The following SUN3 variants were observed in gnomAD, a reference collection of about 807,000 sequenced individuals.
SUN3 encodes the protein Sad1 and UNC84 domain containing 3.
SUN3 carries 36 observed loss-of-function variants against 48.2 expected under a neutral mutation model. That is an observed-to-expected ratio of 0.75 (90% confidence interval 0.57 to 0.99). The LOEUF (loss-of-function observed/expected upper bound fraction) is 0.99, where lower values mean the gene tolerates loss of function less well. Among genes scored for constraint, SUN3 ranks in the 50% least tolerant of loss-of-function variants. SUN3 has a pLI of 0.00. For synonymous variants in SUN3, 148 were observed against 147.9 expected (o/e 1.00, Z 0.00); for missense variants, 419 against 433.1 (o/e 0.97, Z 0.29).
At chr7:47,996,802 C>CT (rs35247146) in intron 6 of SUN3, among the ~76,000 whole-genome samples, 10,984 of 135,332 alleles carry the variant, frequency 0.081, 587 homozygotes, top group South Asian at 0.13. Flanking sequence ...TTCTTTCCTT[C>CT]TTTTTTTTTT....
At position 48,002,524 on chromosome 7, in the gene SUN3, G is replaced by A. The variant is rs138219340; in HGVS notation, c.577+3445C>T. Among the ~76,000 whole-genome samples the A allele has an allele frequency of 2.7e-3, 410 of 152,052 alleles. 6 individuals are homozygous for A. Among genetic ancestry groups the A allele is most frequent in the African/African-American group, 9.2e-3 (381 of 41,420 alleles). On this transcript the variant is annotated intron_variant, in intron 6 of 9. Transcript: ENST00000297325. Reference sequence around the variant, plus strand: ...TTTCAAATGATTCTTGGCCACATGTGGGTCTTCTTTTTAAGTGTCTGTTCA... The same window carrying A: ...TTTCAAATGATTCTTGGCCACATGTAGGTCTTCTTTTTAAGTGTCTGTTCA...
At chr7:48,033,229 C>T (rs1012016612), upstream of SUN3, among the ~76,000 whole-genome samples, 3 of 152,134 alleles carry the variant, frequency 2.0e-5, no homozygotes, top group African/African-American at 7.2e-5. Flanking sequence ...CTTGTCTGAT[C>T]TGGTTTGCAA....
chr7:47,999,498 C>G (rs545267670), intron 6 of SUN3, among the ~76,000 whole-genome samples: 2 of 151,906 alleles, frequency 1.3e-5, no homozygotes, highest in African/African-American at 2.4e-5. Flanking sequence ...TTTCCCTTTC[C>G]TGCCTTTTTT....
chr7:48,014,124 T>C (rs1272904382), intron 3 of SUN3, among the ~76,000 whole-genome samples: 1 of 152,032 alleles, frequency 6.6e-6, no homozygotes, highest in Non-Finnish European at 1.5e-5. Context: ...TTCCACCATG[T>C]CTGGCTAATT....
chr7:48,003,223 T>C (rs1314540295), intron 6 of SUN3, among the ~76,000 whole-genome samples: 3 of 152,190 alleles, frequency 2.0e-5, no homozygotes, highest in African/African-American at 4.8e-5. Flanking sequence ...GATTAGATAG[T>C]TGTAAGTGTG....
At position 48,028,876 on chromosome 7, in the gene SUN3, G is replaced by A; in HGVS notation, c.63C>T (p.Ala21=). ...AAGCATTGCCACTGGCGCTACCGCT[G>A]GCGTCTTCAGAGCAACGTCTAAAAA... ...AMFFRRCSED[A]SGSASGNALL... Residue 21 remains alanine, a synonymous_variant, in exon 1 of 10, where the codon GCC becomes GCT. Coordinates refer to ENST00000297325, the MANE Select transcript of SUN3 (RefSeq NM_001030019.2). 1.2e-6 allele frequency: 2 copies of A among 1,613,926 alleles called. No homozygotes were observed. The highest frequency in any genetic ancestry group is 3.3e-5 in the Admixed American group (2 of 60,004).
intron 6 of SUN3, among the ~76,000 whole-genome samples, chr7:48,000,973 T>C (rs907080197): frequency 1.3e-5 from 2 of 152,158 alleles, no homozygotes; most frequent in African/African-American, 4.8e-5. Flanking sequence ...AAGAATATTA[T>C]ACCTTTTTAT....
chr7:48,018,072 T>A (rs1789863273), intron 2 of SUN3, among the ~76,000 whole-genome samples: 1 of 152,192 alleles, frequency 6.6e-6, no homozygotes. Context: ...ACTGGACGCA[T>A]GTTCATAAAT....
chr7:48,006,018 C>A lies in SUN3; in HGVS notation c.528G>T (p.Lys176Asn). 1 of 1,613,298 alleles carries A rather than the reference C, an allele frequency of 6.2e-7. No homozygotes were observed. Among genetic ancestry groups the A allele is most frequent in the Non-Finnish European group, 8.5e-7 (1 of 1,179,666 alleles). ...CCATCTCGACTTGGTCTTCTCTCAA[C>A]TTTTTAAGTACATAATTGACCAAGT... ...VSNLVNYVLK[K>N]LREDQVEMAD... Residue 176 changes from lysine to asparagine, a missense_variant, in exon 6 of 10, where the codon AAG (lysine) becomes AAT (asparagine). Coordinates refer to ENST00000297325, the MANE Select transcript of SUN3 (RefSeq NM_001030019.2).
the SUN3 span, among the ~76,000 whole-genome samples, chr7:48,034,809 A>T: frequency 6.6e-6 from 1 of 152,218 alleles, no homozygotes; most frequent in East Asian, 1.9e-4. Flanking sequence ...TTGGAGTTCT[A>T]AACGCGATTC....
Position 48,002,151 on chromosome 7 carries a change from C to CTTTTTTTTT in SUN3, c.577+3809_577+3817dup, listed in dbSNP as rs71006541. ...CATTGTGGTTTTGATTTGCATTTCT[C>CTTTTTTTTT]TTTTTTTTTTTTTTTTTTTTTTTTT... On this transcript the variant is annotated intron_variant, in intron 6 of 9. Transcript: ENST00000297325. 7.8e-5 allele frequency among the ~76,000 whole-genome samples: 5 copies of CTTTTTTTTT among 64,136 alleles called. 1 individual carries two copies. The highest frequency in any genetic ancestry group is 7.0e-4 in the South Asian group (1 of 1,436). 42.1% of individuals were successfully genotyped at this position (64,136 alleles called of 152,430 possible). A position where few individuals can be genotyped will look rare whatever the true frequency, so the allele number is the denominator to read the frequency against.
chr7:47,995,943 G>A (rs974807941), intron 7 of SUN3, 88 bp downstream of exon 7: 1 of 768,802 alleles, frequency 1.3e-6, no homozygotes, highest in Non-Finnish European at 2.1e-6. Context: ...CTCTTATATT[G>A]CCTCCATTTT....
intron 2 of SUN3, among the ~76,000 whole-genome samples, chr7:48,024,363 A>C (rs758938925): frequency 5.9e-5 from 9 of 152,320 alleles, no homozygotes; most frequent in Non-Finnish European, 1.2e-4. Context: ...AAAGACTTTA[A>C]TGGACATGTC....
At chr7:47,987,539 C>A in intron 9 of SUN3, 90 bp from the exon 10 acceptor site, 2 of 1,070,228 alleles carry the variant, frequency 1.9e-6, no homozygotes, top group Admixed American at 2.9e-5. Flanking sequence ...AAATTATATA[C>A]TTTTTTTTTT....
chr7:47,998,901 T>C (rs1273453422), intron 6 of SUN3, among the ~76,000 whole-genome samples: 2 of 152,220 alleles, frequency 1.3e-5, no homozygotes, highest in African/African-American at 4.8e-5. Context: ...ACTGTAAACT[T>C]ATAGTAAGCC....
At chr7:48,000,972 A>T (rs10261930) in intron 6 of SUN3, among the ~76,000 whole-genome samples, 51,263 of 151,568 alleles carry the variant, frequency 0.34, 9,579 homozygotes, top group Middle Eastern at 0.53. Flanking sequence ...TAAGAATATT[A>T]TACCTTTTTA....
intron 9 of SUN3, among the ~76,000 whole-genome samples, chr7:47,987,941 G>A (rs1788946647): frequency 6.6e-6 from 1 of 152,198 alleles, no homozygotes; most frequent in Non-Finnish European, 1.5e-5. Flanking sequence ...AGAGGGAGAG[G>A]AGGATAATAT....
At chr7:48,013,468 A>G (rs1015352358) in intron 3 of SUN3, among the ~76,000 whole-genome samples, 1 of 152,234 alleles carries the variant, frequency 6.6e-6, no homozygotes, top group Non-Finnish European at 1.5e-5. Flanking sequence ...CAATATGACA[A>G]CAAGGTCACC....
the SUN3 span, among the ~76,000 whole-genome samples, chr7:48,035,218 G>A: frequency 2.6e-5 from 4 of 152,150 alleles, no homozygotes; most frequent in Non-Finnish European, 5.9e-5. This position sits in a 1 kb window ranked among gnomAD's most constrained non-coding sequence, Gnocchi z 4.0. Flanking sequence ...GCATGAGGAG[G>A]ACTGAGGCCT....
Sources: allele counts gnomAD v4.1 joint callset (sites outside exome capture counted in the v4.1 genomes callset), GRCh38; gene constraint gnomAD v4.1.1; non-coding constraint Gnocchi (gnomAD v3.1); transcripts MANE v1.5; gene names NCBI Gene and HGNC (gene_info 2026-07-23, HGNC 2026-07-21).